The following SVEP1 variants were observed in gnomAD, a reference collection of about 807,000 sequenced individuals.
SVEP1 encodes sushi, von Willebrand factor type A, EGF and pentraxin domain containing 1.
SVEP1 carries 164 observed loss-of-function variants against 367.3 expected under a neutral mutation model. That is an observed-to-expected ratio of 0.45 (90% CI 0.39 to 0.51). The LOEUF is 0.51. Ranked by LOEUF, SVEP1 falls within the 20% of genes least tolerant of loss-of-function variation. The probability of loss-of-function intolerance (pLI) is 0.00; values close to 1 mark genes in which losing one functional copy is unlikely to be tolerated. For missense variants in SVEP1, 4,117 were observed against 4,425.3 expected (o/e 0.93, Z 1.98); for synonymous variants, 1,666 against 1,611.6 (o/e 1.03, Z -0.81).
intron 40 of SVEP1, among the ~76,000 whole-genome samples, chr9:110,391,573 T>G (rs565171439): frequency 6.6e-5 from 10 of 152,058 alleles, no homozygotes; most frequent in Non-Finnish European, 1.2e-4. Context: ...TGCCCGGCCT[T>G]GATGTGTCAT....
chr9:110,572,160 A>G (rs969378337), intron 1 of SVEP1, among the ~76,000 whole-genome samples: 3 of 152,234 alleles, frequency 2.0e-5, no homozygotes, highest in African/African-American at 4.8e-5. Flanking sequence ...AGAAGACTGG[A>G]TAGACTGTCT....
At chr9:110,461,393 T>C (rs572203087) in intron 18 of SVEP1, among the ~76,000 whole-genome samples, 1 of 152,202 alleles carries the variant, frequency 6.6e-6, no homozygotes, top group Non-Finnish European at 1.5e-5. Context: ...CTAAGACTTG[T>C]CTGCATAAAT....
chr9:110,368,754 T>C (rs1035545999), intron 47 of SVEP1, among the ~76,000 whole-genome samples: 7 of 152,210 alleles, frequency 4.6e-5, no homozygotes, highest in Non-Finnish European at 8.8e-5. Context: ...GGTATAATCT[T>C]GGCAGCTTCT....
chr9:110,447,720 G>A (rs969904150), intron 24 of SVEP1, among the ~76,000 whole-genome samples: 2 of 152,178 alleles, frequency 1.3e-5, no homozygotes, highest in African/African-American at 2.4e-5. Flanking sequence ...TGTTCCCAGA[G>A]CCCTATAAAT....
At chr9:110,468,041 G>C (rs1828965262) in intron 17 of SVEP1, among the ~76,000 whole-genome samples, 1 of 136,346 alleles carries the variant, frequency 7.3e-6, no homozygotes, top group African/African-American at 2.7e-5. Context: ...CCCAGAAGCA[G>C]ATGCTGCTAT....
At chr9:110,438,280 A>G (rs2118576670) in intron 27 of SVEP1, among the ~76,000 whole-genome samples, 1 of 143,190 alleles carries the variant, frequency 7.0e-6, no homozygotes, top group East Asian at 2.1e-4. Context: ...TCTACCTCCC[A>G]GATTCAGGTG....
chr9:110,475,240 A>C (rs1281447568), intron 14 of SVEP1, among the ~76,000 whole-genome samples: 2 of 152,216 alleles, frequency 1.3e-5, no homozygotes, highest in Non-Finnish European at 2.9e-5. Flanking sequence ...AGACATGACT[A>C]GTATTCGAAA....
Position 110,366,563 on chromosome 9 carries a change from G to GT in SVEP1, c.10695-4_10695-3insA. ...GTTAAAACCCAGTCCTCCTTTTCCT[G>GT]GAAAAAAAAAAAAAAGCAACCAAAT... On this transcript the variant is annotated splice_region_variant and splice_polypyrimidine_tract_variant and intron_variant, in intron 47 of 47. Coordinates refer to ENST00000374469, the MANE Select transcript of SVEP1 (RefSeq NM_153366.4). 1.3e-6 allele frequency: 2 copies of GT among 1,487,380 alleles called. No individual in the cohort carries two copies. Among genetic ancestry groups the GT allele is most frequent in the African/African-American group, 1.8e-5 (1 of 56,196 alleles). The allele number at this position is 1,487,380 out of a possible 1,614,324, so 92.1% of individuals were successfully genotyped here.
At chr9:110,383,881 C>A (rs1827481405) in intron 43 of SVEP1, among the ~76,000 whole-genome samples, 1 of 151,924 alleles carries the variant, frequency 6.6e-6, no homozygotes, top group African/African-American at 2.4e-5. Flanking sequence ...GCAGTCTGGC[C>A]ACGATCTGTC....
At chr9:110,453,227 G>C (rs1225468943) in intron 22 of SVEP1, among the ~76,000 whole-genome samples, 2 of 151,840 alleles carry the variant, frequency 1.3e-5, no homozygotes, top group Non-Finnish European at 2.9e-5. Flanking sequence ...TGATGAGTTA[G>C]GTACAATGCT....
At position 110,386,790 on chromosome 9, in the gene SVEP1, TATG is replaced by T. The variant is rs973256201; in HGVS notation, c.10060+492_10060+494del. 4.6e-5 allele frequency among the ~76,000 whole-genome samples: 7 copies of T among 152,248 alleles called. No individual in the cohort carries two copies. The South Asian group carries it at 1.2e-3, about 27-fold the overall frequency. On this transcript the variant is annotated intron_variant, in intron 42 of 47. Coordinates refer to ENST00000374469, the MANE Select transcript of SVEP1 (RefSeq NM_153366.4). ...AGGTACACTTCCGCTGTTACTACAT[TATG>T]ATGATACTTGAAACAGTTAACAAGA...
Position 110,435,356 on chromosome 9 carries a change from T to G in SVEP1, c.4773A>C (p.Ser1591=), listed in dbSNP as rs139569556. ...DYVLSPQQVK[S]LATSCPEELS... Reference sequence around the variant, plus strand: ...GTTCCTCTGGGCAGGAGGTAGCCAGTGACTTCACCTGAAAGTTTAATAACA... The same window carrying G: ...GTTCCTCTGGGCAGGAGGTAGCCAGGGACTTCACCTGAAAGTTTAATAACA... The change falls in exon 29 of 48, where the codon TCA becomes TCC. Residue 1591 remains serine (S), a synonymous_variant. Coordinates refer to ENST00000374469, the MANE Select transcript of SVEP1 (RefSeq NM_153366.4). The G allele has an allele frequency of 3.8e-4, 606 of 1,613,108 alleles. 4 individuals carry two copies. The East Asian group carries it at 0.01, about 28-fold the overall frequency.
At chr9:110,428,055 G>T (rs747511300) in intron 35 of SVEP1, among the ~76,000 whole-genome samples, 1 of 152,120 alleles carries the variant, frequency 6.6e-6, no homozygotes, top group East Asian at 1.9e-4. Flanking sequence ...GTGAAGAGCA[G>T]ATTACTTGGA....
chr9:110,375,431 G>T lies in SVEP1; in HGVS notation c.10537C>A (p.Arg3513Ser). ...TCACACTGGTAAGGGGCCACACAGCGACCTCCGTTCAGACAGGGAAGAATG... is the reference window on the plus strand; with the variant it reads ...TCACACTGGTAAGGGGCCACACAGCTACCTCCGTTCAGACAGGGAAGAATG... ...ICILPCLNGG[R>S]CVAPYQCDCP... is the part of the protein sequence containing the mutation. Residue 3513 changes from arginine to serine, a missense_variant, in exon 46 of 48, where the codon CGC becomes AGC. Transcript: ENST00000374469. The T allele has an allele frequency of 7.7e-7, 1 of 1,301,942 alleles. No homozygotes were observed. The highest frequency in any genetic ancestry group is 1.3e-5 in the South Asian group (1 of 79,452). The allele number at this position is 1,301,942 out of a possible 1,614,324, so 80.6% of individuals were successfully genotyped here.
chr9:110,386,103 G>A (rs1210220265), intron 42 of SVEP1, 29 bp from the exon 43 acceptor site: 1 of 1,593,282 alleles, frequency 6.3e-7, no homozygotes, highest in Admixed American at 1.8e-5. Context: ...AATGCTTACT[G>A]ATATTTCCCC....
At chr9:110,452,555 G>A (rs1388069809) in intron 22 of SVEP1, among the ~76,000 whole-genome samples, 1 of 152,230 alleles carries the variant, frequency 6.6e-6, no homozygotes, top group Non-Finnish European at 1.5e-5. Flanking sequence ...TGTGGTTCCA[G>A]CTGTTGAATA....
chr9:110,388,894 G>A (rs755245195), intron 41 of SVEP1, among the ~76,000 whole-genome samples: 3 of 152,134 alleles, frequency 2.0e-5, no homozygotes, highest in South Asian at 2.1e-4. Context: ...CCTTGAGCCC[G>A]GGAAGTGGAG....
intron 3 of SVEP1, among the ~76,000 whole-genome samples, chr9:110,523,606 T>C (rs1829905183): frequency 6.6e-6 from 1 of 152,064 alleles, no homozygotes; most frequent in Admixed American, 6.6e-5. Context: ...AAGAAATCAC[T>C]TAAACATAAT....
intron 18 of SVEP1, among the ~76,000 whole-genome samples, chr9:110,464,142 A>C (rs1196980192): frequency 6.6e-6 from 1 of 152,166 alleles, no homozygotes; most frequent in Non-Finnish European, 1.5e-5. Context: ...CTTTCTGCCA[A>C]AATTATTTCT....
Sources: gnomAD v4.1 joint callset for allele counts (sites outside exome capture counted in the v4.1 genomes callset) on GRCh38, gnomAD v4.1.1 for gene constraint, MANE v1.5 for transcripts, NCBI Gene and HGNC (gene_info 2026-07-23, HGNC 2026-07-21) for gene names.